ALCAM: variants seen among roughly 807,000 people sequenced by gnomAD.
ALCAM encodes activated leukocyte cell adhesion molecule.
In ALCAM, 30 loss-of-function variants were observed where a neutral mutation model predicts 70.9. That is an observed-to-expected ratio of 0.42 (90% CI 0.32 to 0.57). The LOEUF is 0.57. Ranked by LOEUF, ALCAM falls within the 20% of genes least tolerant of loss-of-function variation. ALCAM has a pLI of 0.11. For missense variants in ALCAM, 591 were observed against 695.1 expected (o/e 0.85, Z 1.68); for synonymous variants, 249 against 242.5 (o/e 1.03, Z -0.25).
At chr3:105,541,812 A>G (rs1940124389) in intron 8 of ALCAM, 47 bp downstream of exon 8, 3 of 1,602,522 alleles carry the variant, frequency 1.9e-6, no homozygotes, top group Admixed American at 1.7e-5. Flanking sequence ...AAAGGCTTCT[A>G]ATAGCTTAAT....
intron 1 of ALCAM, among the ~76,000 whole-genome samples, chr3:105,409,387 G>A (rs528163102): frequency 3.3e-5 from 5 of 152,008 alleles, no homozygotes; most frequent in Non-Finnish European, 7.4e-5. Flanking sequence ...TAAAAAGGAA[G>A]GAAATAATGA....
chr3:105,381,115 A>G (rs1417404376), intron 1 of ALCAM, among the ~76,000 whole-genome samples: 1 of 151,956 alleles, frequency 6.6e-6, no homozygotes, highest in Non-Finnish European at 1.5e-5. Flanking sequence ...ATCTTGTAGG[A>G]TAGCTGTGAA....
At chr3:105,498,221 G>A (rs1362788500) in intron 1 of ALCAM, among the ~76,000 whole-genome samples, 1 of 152,134 alleles carries the variant, frequency 6.6e-6, no homozygotes, top group East Asian at 1.9e-4. Flanking sequence ...TAGGAAGTCT[G>A]GTGTCAGGGT....
At chr3:105,472,521 A>G (rs936286902) in intron 1 of ALCAM, among the ~76,000 whole-genome samples, 9 of 151,516 alleles carry the variant, frequency 5.9e-5, no homozygotes. Context: ...TGTTGTATCA[A>G]CTTAAGTGTA....
intron 1 of ALCAM, among the ~76,000 whole-genome samples, chr3:105,514,377 A>C (rs1044098730): frequency 6.6e-6 from 1 of 151,954 alleles, no homozygotes; most frequent in Non-Finnish European, 1.5e-5. Context: ...GGTAAAGCCT[A>C]AACTAATTGG....
chr3:105,560,695 T>G (rs1940612717), intron 14 of ALCAM, among the ~76,000 whole-genome samples: 1 of 152,148 alleles, frequency 6.6e-6, no homozygotes, highest in Admixed American at 6.6e-5. Flanking sequence ...ATCTAAAATT[T>G]TGTGTCTAGT....
At chr3:105,429,218 A>T (rs887841594) in intron 1 of ALCAM, among the ~76,000 whole-genome samples, 7 of 151,996 alleles carry the variant, frequency 4.6e-5, no homozygotes, top group African/African-American at 9.7e-5. Flanking sequence ...GTAGACTCAG[A>T]ATAAAAGCAT....
chr3:105,408,799 C>T (rs947355269), intron 1 of ALCAM, among the ~76,000 whole-genome samples: 1 of 152,028 alleles, frequency 6.6e-6, no homozygotes, highest in African/African-American at 2.4e-5. Flanking sequence ...ACAATCTGTA[C>T]ATCTGACAAA....
At chr3:105,542,438 A>G (rs1940144027) in intron 8 of ALCAM, among the ~76,000 whole-genome samples, 1 of 151,860 alleles carries the variant, frequency 6.6e-6, no homozygotes, top group Admixed American at 6.6e-5. Context: ...GACAGTCCAT[A>G]TTATTGATGT....
At chr3:105,536,604 T>G (rs1210906804) in intron 6 of ALCAM, among the ~76,000 whole-genome samples, 1 of 152,166 alleles carries the variant, frequency 6.6e-6, no homozygotes, top group Non-Finnish European at 1.5e-5. Context: ...TTTATCATGC[T>G]GGCTGTGTAA....
chr3:105,493,372 T>A (rs1012211621), intron 1 of ALCAM, among the ~76,000 whole-genome samples: 2 of 152,188 alleles, frequency 1.3e-5, no homozygotes, highest in African/African-American at 4.8e-5. Context: ...GTAAGCAGAA[T>A]AATGATCTCC....
intron 1 of ALCAM, among the ~76,000 whole-genome samples, chr3:105,494,326 G>A (rs1938676645): frequency 6.6e-6 from 1 of 151,928 alleles, no homozygotes; most frequent in Non-Finnish European, 1.5e-5. Context: ...GTATTTCCTG[G>A]TATTTTATAA....
chr3:105,541,587 T>G, intron 7 of ALCAM, 46 bp from the exon 8 acceptor site: 1 of 1,598,560 alleles, frequency 6.3e-7, no homozygotes, highest in Non-Finnish European at 8.5e-7. Flanking sequence ...CTGTTCTCAT[T>G]GTAGCGACCA....
rs906508777 is a variant in ALCAM, at chr3:105,575,642, G to A, written c.*1191G>A. ...CTTTATAAACATGTTTTATGCTTGA[G>A]GAAATTTTTAAGGTGGTAGTATAAA... On this transcript the variant is annotated 3_prime_UTR_variant, in exon 16 of 16. Transcript: ENST00000306107. 9 of 152,404 alleles carry A rather than the reference G, an allele frequency of 5.9e-5. No homozygotes were observed. The highest frequency in any genetic ancestry group is 3.9e-4 in the Admixed American group (6 of 15,248). The allele number at this position is 152,404 out of a possible 1,614,324, so 9.4% of individuals were successfully genotyped here.
intron 1 of ALCAM, among the ~76,000 whole-genome samples, chr3:105,368,258 A>AGAGAGAGAGAGAGAGAGG (rs1410222733): frequency 1.4e-5 from 2 of 146,454 alleles, no homozygotes; most frequent in Non-Finnish European, 3.1e-5. Flanking sequence ...AGAGAGAGAG[A>AGAGAGAGAGAGAGAGAGG]GAGAGAAAAG....
chr3:105,413,278 A>G (rs1388075143), intron 1 of ALCAM, among the ~76,000 whole-genome samples: 1 of 152,166 alleles, frequency 6.6e-6, no homozygotes, highest in Non-Finnish European at 1.5e-5. Flanking sequence ...TGGAGATAAC[A>G]TTTTGTAATT....
rs540564860 is a variant in ALCAM, at chr3:105,520,306, G to A, written c.174+139G>A. 3 of 583,236 alleles carry A rather than the reference G, an allele frequency of 5.1e-6. No individual in the cohort carries two copies. In the East Asian group the frequency reaches 8.9e-5, roughly 17 times the overall value. 36.1% of individuals were successfully genotyped at this position (583,236 alleles called of 1,614,324 possible). ...TACAAATGTAGGAAGGTAAAATTGT[G>A]TGGAATATGGCAAAAAAATAATTCC... On this transcript the variant is annotated intron_variant, in intron 2 of 15. Transcript: ENST00000306107.
chr3:105,497,970 G>T (rs1938802556), intron 1 of ALCAM, among the ~76,000 whole-genome samples: 1 of 151,282 alleles, frequency 6.6e-6, no homozygotes, highest in Admixed American at 6.6e-5. Context: ...GGCGGAGCTT[G>T]CAGTGAGCCA....
intron 5 of ALCAM, among the ~76,000 whole-genome samples, chr3:105,534,267 C>T (rs1372700638): frequency 2.6e-4 from 39 of 152,120 alleles, no homozygotes; most frequent in Admixed American, 2.4e-3. Context: ...TGGAGACCCC[C>T]GCTTTAAACT....
Sources: gnomAD v4.1 joint callset for allele counts (sites outside exome capture counted in the v4.1 genomes callset) on GRCh38, gnomAD v4.1.1 for gene constraint, MANE v1.5 for transcripts, NCBI Gene and HGNC (gene_info 2026-07-23, HGNC 2026-07-21) for gene names.